The following RBFOX3 variants were observed in gnomAD, a reference collection of about 807,000 sequenced individuals.
The protein encoded by RBFOX3 is RNA binding protein fox-1 homolog 3.
Under a neutral mutation model 48.7 loss-of-function variants are expected in RBFOX3, and 17 were observed. The ratio of observed to expected loss-of-function variants is 0.35; its 90% CI spans 0.24 to 0.52. The LOEUF is 0.52. RBFOX3 is among the 20% of genes least tolerant of loss of function. RBFOX3 has a pLI of 0.94. For synonymous variants in RBFOX3, 212 were observed against 209.5 expected, an observed-to-expected ratio of 1.01 and a Z score of -0.10; for missense variants, 382 against 497.5, an observed-to-expected ratio of 0.77 and a Z score of 2.21.
intron 2 of RBFOX3, among the ~76,000 whole-genome samples, chr17:79,452,374 G>A (rs1039415805): frequency 1.3e-5 from 2 of 152,194 alleles, no homozygotes; most frequent in Non-Finnish European, 2.9e-5. Flanking sequence ...CATTCTTTGT[G>A]CACATGCCTT....
chr17:79,659,678 A>G, the RBFOX3 span, among the ~76,000 whole-genome samples: 1 of 152,274 alleles, frequency 6.6e-6, no homozygotes, highest in Admixed American at 6.5e-5. Context: ...CAGACTTTAT[A>G]TTTGTTACTG....
chr17:79,106,411 C>A (rs2077375130), intron 6 of RBFOX3, among the ~76,000 whole-genome samples: 1 of 151,794 alleles, frequency 6.6e-6, no homozygotes, highest in African/African-American at 2.4e-5. Context: ...GCAGCCGCAA[C>A]AGATCCCCCT....
At chr17:79,296,796 C>CTCT (rs35640307) in intron 3 of RBFOX3, among the ~76,000 whole-genome samples, 41,341 of 131,916 alleles carry the variant, frequency 0.31, 7,612 homozygotes, top group African/African-American at 0.48. Flanking sequence ...CCTCTCCCTC[C>CTCT]TCTTTTCCTC....
At chr17:79,150,524 G>C (rs767404737) in intron 4 of RBFOX3, among the ~76,000 whole-genome samples, 1 of 152,114 alleles carries the variant, frequency 6.6e-6, no homozygotes, top group Non-Finnish European at 1.5e-5. Context: ...CTGAACTGCC[G>C]GACACTCTAC....
intron 1 of RBFOX3, among the ~76,000 whole-genome samples, chr17:79,547,978 G>A (rs1196646270): frequency 2.0e-5 from 3 of 152,182 alleles, no homozygotes; most frequent in Non-Finnish European, 4.4e-5. Context: ...GACCTCCTGG[G>A]AGAGGACCAG....
At position 79,391,531 on chromosome 17, in the gene RBFOX3, C is replaced by G. The variant is rs1223839200; in HGVS notation, c.-174-83707G>C. On this transcript the variant is annotated intron_variant, in intron 2 of 14. Coordinates refer to ENST00000693108, the MANE Select transcript of RBFOX3 (RefSeq NM_001350451.2). This position sits in a 1 kb window ranked among gnomAD's most constrained non-coding sequence, Gnocchi z 5.0. ...TCCGCCCAAATACGGCAAATGCCACCGATTTTAATCTCACCCGAAACCAAC... is the reference window on the plus strand; with the variant it reads ...TCCGCCCAAATACGGCAAATGCCACGGATTTTAATCTCACCCGAAACCAAC... 6.6e-6 allele frequency among the ~76,000 whole-genome samples: 1 copy of G among 152,182 alleles called. No individual in the cohort carries two copies. The highest frequency in any genetic ancestry group is 1.5e-5 in the Non-Finnish European group (1 of 68,048).
rs931488095 is a variant in RBFOX3, at chr17:79,473,965, C to G, written c.-175+8489G>C. ...TCTTTCCCCCACAGAACACAGATGT[C>G]TTTGAAAGCACCAATCCTGCAAACA... is the stretch of plus-strand genomic sequence containing the variant. On this transcript the variant is annotated intron_variant, in intron 2 of 14. Transcript: ENST00000693108. The surrounding 1 kb of genome is among the most constrained non-coding windows in gnomAD (Gnocchi z 4.2). Among the ~76,000 whole-genome samples, 91 of 152,306 alleles carry G rather than the reference C, an allele frequency of 6.0e-4. No individual in the cohort carries two copies. Among genetic ancestry groups the G allele is most frequent in the Admixed American group, 1.2e-3 (19 of 15,290 alleles).
intron 2 of RBFOX3, among the ~76,000 whole-genome samples, chr17:79,338,602 G>A (rs1457126240): frequency 6.6e-6 from 1 of 152,146 alleles, no homozygotes; most frequent in African/African-American, 2.4e-5. Context: ...ATCTGCATTG[G>A]TTTTCAGCAA....
chr17:79,425,547 G>C (rs2067206007), intron 2 of RBFOX3, among the ~76,000 whole-genome samples: 1 of 152,274 alleles, frequency 6.6e-6, no homozygotes, highest in Non-Finnish European at 1.5e-5. Flanking sequence ...AGATATCTGG[G>C]AGACCCAACA....
rs1237825300 is a variant in RBFOX3, at chr17:79,511,858, A to C, written c.-319-29260T>G. Among the ~76,000 whole-genome samples, 6 of 150,412 alleles carry C rather than the reference A, an allele frequency of 4.0e-5. No individual in the cohort carries two copies. In the East Asian group the frequency reaches 1.2e-3, roughly 30 times the overall value. On this transcript the variant is annotated intron_variant, in intron 1 of 14. Transcript: ENST00000693108. ...TACCATCGGGTACAGCCCCATGGCC[A>C]GGGGACACACGTGCAGATACATATT...
chr17:79,380,574 T>C (rs960844401), intron 2 of RBFOX3, among the ~76,000 whole-genome samples: 3 of 152,110 alleles, frequency 2.0e-5, no homozygotes, highest in Non-Finnish European at 4.4e-5. Context: ...GCAGGGACCG[T>C]TTACTGCAGC....
chr17:79,377,813 G>A (rs1209483654), intron 2 of RBFOX3, among the ~76,000 whole-genome samples: 1 of 152,182 alleles, frequency 6.6e-6, no homozygotes, highest in East Asian at 1.9e-4. Context: ...TGCCCTGGTG[G>A]AGGGCAGCCT....
chr17:79,138,744 G>C (rs376840383), intron 4 of RBFOX3, among the ~76,000 whole-genome samples: 1 of 3,300 alleles, frequency 3.0e-4, no homozygotes, highest in African/African-American at 1.1e-3. Flanking sequence ...CACACAGCAC[G>C]TGTTCACACC....
At chr17:79,374,881 C>T (rs1021490070) in intron 2 of RBFOX3, among the ~76,000 whole-genome samples, 3 of 152,210 alleles carry the variant, frequency 2.0e-5, no homozygotes, top group African/African-American at 7.2e-5. Flanking sequence ...TATTTCCAGG[C>T]AACATCCACA....
rs528540022 is a variant in RBFOX3 at position 79,379,862 on chromosome 17, T to G, written c.-174-72038A>C. On this transcript the variant is annotated intron_variant, in intron 2 of 14. Coordinates refer to ENST00000693108, the MANE Select transcript of RBFOX3 (RefSeq NM_001350451.2). Reference sequence around the variant, plus strand: ...AGTCCCCTCCCTCTAGTTACCCACCTAAGAAGCACAGAGCGGCTCTCAGGC... The same window carrying G: ...AGTCCCCTCCCTCTAGTTACCCACCGAAGAAGCACAGAGCGGCTCTCAGGC... Among the ~76,000 whole-genome samples the G allele has an allele frequency of 2.1e-3, 327 of 152,242 alleles. 3 individuals are homozygous for G. In the Middle Eastern group the frequency reaches 0.051, roughly 24 times the overall value.
intron 1 of RBFOX3, among the ~76,000 whole-genome samples, chr17:79,512,592 G>C (rs1396370251): frequency 7.2e-6 from 1 of 138,166 alleles, no homozygotes. Flanking sequence ...TTACCATCGG[G>C]TACAGCCCCA....
At chr17:79,372,715 C>A (rs1480101865) in intron 2 of RBFOX3, among the ~76,000 whole-genome samples, 1 of 152,076 alleles carries the variant, frequency 6.6e-6, no homozygotes. Flanking sequence ...ACCTGATTAA[C>A]CCTTCTCATG....
chr17:79,259,141 G>T (rs2065334467), intron 3 of RBFOX3, among the ~76,000 whole-genome samples: 1 of 152,270 alleles, frequency 6.6e-6, no homozygotes. Flanking sequence ...CAGAGCACTG[G>T]TGGGTACTGA....
At chr17:79,388,647 T>C (rs11077433) in intron 2 of RBFOX3, among the ~76,000 whole-genome samples, 151,514 of 152,312 alleles carry the variant, frequency 0.99, 75,369 homozygotes, top group Middle Eastern at 1. Flanking sequence ...CGTTCCCACC[T>C]GCAGCAGCAC....
Sources: gnomAD v4.1 joint callset for allele counts (sites outside exome capture counted in the v4.1 genomes callset) on GRCh38, gnomAD v4.1.1 for gene constraint, Gnocchi (gnomAD v3.1) non-coding constraint, MANE v1.5 for transcripts, NCBI Gene and HGNC (gene_info 2026-07-23, HGNC 2026-07-21) for gene names.